UNC79: variants seen among roughly 807,000 people sequenced by gnomAD.
UNC79 encodes unc-79 subunit of NALCN channel complex.
A neutral mutation model predicts 283.1 loss-of-function variants in UNC79; 37 were observed. The observed-to-expected ratio is 0.13, with a 90% CI of 0.10 to 0.17. The LOEUF is 0.17. UNC79 is among the 10% of genes least tolerant of loss of function. UNC79 has a pLI of 1.00. For missense variants in UNC79, 2,272 were observed against 3,211.1 expected (o/e 0.71, Z 7.07); for synonymous variants, 1,107 against 1,200.2 (o/e 0.92, Z 1.61).
intron 22 of UNC79, among the ~76,000 whole-genome samples, chr14:93,592,641 G>A (rs571744032): frequency 6.6e-6 from 1 of 152,134 alleles, no homozygotes; most frequent in Admixed American, 6.5e-5. Flanking sequence ...AGGGTCAACT[G>A]TAGTTTTGAT....
Position 93,694,417 on chromosome 14 carries a change from GA to G in UNC79, c.7548+9del. ...AATTCGACCATTTTTGTCAAGGTAG[GA>G]AAACCTTATGATTTTTAAAGACCAT... is the stretch of plus-strand genomic sequence containing the variant. On this transcript the variant is annotated splice_donor_region_variant and intron_variant, in intron 47 of 48. Transcript: ENST00000555664. 5.6e-6 allele frequency: 9 copies of G among 1,607,962 alleles called. No individual in the cohort carries two copies. Among genetic ancestry groups the G allele is most frequent in the Non-Finnish European group, 7.7e-6 (9 of 1,174,914 alleles).
At chr14:93,360,786 A>G (rs924362916) in intron 1 of UNC79, among the ~76,000 whole-genome samples, 1 of 152,204 alleles carries the variant, frequency 6.6e-6, no homozygotes, top group African/African-American at 2.4e-5. Flanking sequence ...TGTGTTCCAG[A>G]GAATAAATTT....
At chr14:93,483,687 C>T (rs1168277490) in intron 4 of UNC79, among the ~76,000 whole-genome samples, 1 of 149,576 alleles carries the variant, frequency 6.7e-6, no homozygotes, top group East Asian at 2.0e-4. Context: ...CCCCCCTCCC[C>T]CAACCCCACG....
At chr14:93,359,100 A>G (rs751290348) in intron 1 of UNC79, among the ~76,000 whole-genome samples, 1 of 152,240 alleles carries the variant, frequency 6.6e-6, no homozygotes, top group Non-Finnish European at 1.5e-5. Flanking sequence ...GGGCCAATAA[A>G]TAGGGTTTCT....
At chr14:93,499,598 G>C (rs980303897) in intron 7 of UNC79, among the ~76,000 whole-genome samples, 1 of 152,046 alleles carries the variant, frequency 6.6e-6, no homozygotes, top group Non-Finnish European at 1.5e-5. Context: ...ATTATTCTAG[G>C]CGCTTTTGGT....
At chr14:93,347,362 G>A (rs1349352478) in intron 1 of UNC79, 1 of 1,577,572 alleles carries the variant, frequency 6.3e-7, no homozygotes, top group Admixed American at 1.8e-5. Flanking sequence ...CGCCCACTCG[G>A]GGCCCCCGCG....
intron 1 of UNC79, among the ~76,000 whole-genome samples, chr14:93,383,076 CCTTT>C (rs1426097554): frequency 6.6e-6 from 1 of 152,150 alleles, no homozygotes; most frequent in Non-Finnish European, 1.5e-5. Flanking sequence ...AGAACCTCTT[CCTTT>C]ATGGAGGGTG....
At chr14:93,513,556 C>T (rs2059926894) in intron 7 of UNC79, among the ~76,000 whole-genome samples, 1 of 152,034 alleles carries the variant, frequency 6.6e-6, no homozygotes, top group South Asian at 2.1e-4. Flanking sequence ...GTATCCCATA[C>T]ATTTTTGTTA....
chr14:93,669,679 T>C (rs1446109627), intron 40 of UNC79, among the ~76,000 whole-genome samples: 1 of 152,102 alleles, frequency 6.6e-6, no homozygotes, highest in East Asian at 1.9e-4. Flanking sequence ...ACCTCGTCTC[T>C]ATAAAAAAAT....
At chr14:93,655,092 T>G (rs2070776645) in intron 37 of UNC79, 142 bp from the exon 41 acceptor site, 3 of 781,418 alleles carry the variant, frequency 3.8e-6, no homozygotes, top group Non-Finnish European at 5.9e-6. Context: ...CCTTCCAGTC[T>G]ATCACAGGGA....
At chr14:93,600,247 C>T (rs540306623) in intron 24 of UNC79, among the ~76,000 whole-genome samples, 87 of 152,156 alleles carry the variant, frequency 5.7e-4, no homozygotes, top group African/African-American at 2.1e-3. Flanking sequence ...ACAAAAAACC[C>T]AGATGCATTG....
intron 31 of UNC79, 47 bp downstream of exon 34, chr14:93,634,684 G>C: frequency 6.7e-7 from 1 of 1,485,464 alleles, no homozygotes; most frequent in Non-Finnish European, 9.4e-7. Context: ...ATTAGTGAAT[G>C]CTACTTTCTC....
chr14:93,572,246 A>G (rs2063246097), intron 15 of UNC79, among the ~76,000 whole-genome samples, 162 bp downstream of exon 15: 1 of 152,370 alleles, frequency 6.6e-6, no homozygotes, highest in South Asian at 2.1e-4. Context: ...AATAGCTGCA[A>G]TACCTCAACC....
chr14:93,560,068 G>T (rs1002584664), intron 14 of UNC79, among the ~76,000 whole-genome samples: 4 of 152,052 alleles, frequency 2.6e-5, no homozygotes, highest in South Asian at 2.1e-4. Flanking sequence ...AGCATTTGTC[G>T]TATAGAATGA....
At chr14:93,363,489 A>G (rs2054265959) in intron 1 of UNC79, among the ~76,000 whole-genome samples, 1 of 152,124 alleles carries the variant, frequency 6.6e-6, no homozygotes, top group Admixed American at 6.5e-5. Flanking sequence ...CGTTTGGTCA[A>G]GTGTTGAGTT....
intron 1 of UNC79, among the ~76,000 whole-genome samples, chr14:93,419,576 A>C (rs2055545046): frequency 1.3e-5 from 2 of 151,850 alleles, no homozygotes; most frequent in African/African-American, 4.8e-5. Flanking sequence ...AAAAAGTTAA[A>C]AAGCAGGGGG....
chr14:93,372,213 A>G (rs904502076), intron 1 of UNC79, among the ~76,000 whole-genome samples: 2 of 152,212 alleles, frequency 1.3e-5, no homozygotes, highest in Non-Finnish European at 2.9e-5. Context: ...AATAGCAACA[A>G]TGTATTCAAT....
intron 1 of UNC79, among the ~76,000 whole-genome samples, chr14:93,337,065 TC>T (rs2053594428): frequency 6.6e-6 from 1 of 152,034 alleles, no homozygotes; most frequent in South Asian, 2.1e-4. Flanking sequence ...GGCTGCCAGT[TC>T]CCAGTGAAGT....
intron 14 of UNC79, among the ~76,000 whole-genome samples, chr14:93,548,212 C>T (rs914631628): frequency 1.3e-5 from 2 of 152,120 alleles, no homozygotes; most frequent in South Asian, 2.1e-4. Context: ...TGAGGGCCTA[C>T]GTTCTGGTTC....
Sources: gnomAD v4.1 joint callset for allele counts (sites outside exome capture counted in the v4.1 genomes callset) on GRCh38, gnomAD v4.1.1 for gene constraint, MANE v1.5 for transcripts, NCBI Gene and HGNC (gene_info 2026-07-23, HGNC 2026-07-21) for gene names.